The following DCDC1 variants were observed in gnomAD, a reference collection of about 807,000 sequenced individuals.
DCDC1 encodes doublecortin domain containing 1.
In DCDC1, 200 loss-of-function variants were observed where a neutral mutation model predicts 178.3. The observed-to-expected ratio is 1.12, with a 90% CI of 1.00 to 1.26. The LOEUF is 1.26. Among genes scored for constraint, DCDC1 ranks in the 50% most tolerant of loss-of-function variants. DCDC1 has a pLI of 0.00. For missense variants in DCDC1, 1,983 were observed against 1,749.2 expected (o/e 1.13, Z -2.38); for synonymous variants, 690 against 604.8 (o/e 1.14, Z -2.07).
chr11:30,998,328 G>A (rs540095984), intron 20 of DCDC1, among the ~76,000 whole-genome samples: 1 of 151,988 alleles, frequency 6.6e-6, no homozygotes, highest in Non-Finnish European at 1.5e-5. Flanking sequence ...GGAGGGGGGA[G>A]GAAGTATGGT....
intron 9 of DCDC1, among the ~76,000 whole-genome samples, chr11:31,173,737 TACAC>T (rs918588663): frequency 4.2e-5 from 5 of 118,760 alleles, no homozygotes; most frequent in African/African-American, 9.0e-5. Flanking sequence ...TTCACACACT[TACAC>T]ACACACACAC....
At chr11:31,331,554 C>A (rs1949989731) in intron 2 of DCDC1, among the ~76,000 whole-genome samples, 1 of 152,142 alleles carries the variant, frequency 6.6e-6, no homozygotes, top group Non-Finnish European at 1.5e-5. Flanking sequence ...GAGATACATT[C>A]CATCAATACC....
intron 8 of DCDC1, among the ~76,000 whole-genome samples, chr11:31,249,009 C>A (rs1943774736): frequency 6.6e-6 from 1 of 152,024 alleles, no homozygotes; most frequent in South Asian, 2.1e-4. Context: ...ATGGACAAGT[C>A]ATTAGGGTCA....
intron 1 of DCDC1, among the ~76,000 whole-genome samples, chr11:31,365,198 T>C (rs146945278): frequency 6.6e-6 from 1 of 152,302 alleles, no homozygotes; most frequent in Non-Finnish European, 1.5e-5. Flanking sequence ...TCAACAAATA[T>C]TTGTCGATTG....
At chr11:30,921,044 G>A (rs1312614254) in intron 24 of DCDC1, 109 bp from the exon 25 acceptor site, 1 of 1,187,770 alleles carries the variant, frequency 8.4e-7, no homozygotes, top group African/African-American at 1.5e-5. Flanking sequence ...CATCTATTTG[G>A]TCTATTCATA....
intron 20 of DCDC1, among the ~76,000 whole-genome samples, chr11:30,980,117 C>G (rs1342756694): frequency 6.6e-6 from 1 of 152,174 alleles, no homozygotes; most frequent in Non-Finnish European, 1.5e-5. Flanking sequence ...CTGTAATCTA[C>G]TAGAGTAGAC....
chr11:31,183,158 T>C (rs765485312), intron 9 of DCDC1, among the ~76,000 whole-genome samples: 9 of 152,124 alleles, frequency 5.9e-5, no homozygotes, highest in Non-Finnish European at 1.2e-4. Context: ...TAGTGAGAGA[T>C]TTAACACCCC....
chr11:31,248,240 T>C (rs1284159369), intron 8 of DCDC1, among the ~76,000 whole-genome samples: 3 of 152,198 alleles, frequency 2.0e-5, no homozygotes, highest in Admixed American at 6.6e-5. Context: ...TTTATATTAC[T>C]ATCCCAAAAA....
At chr11:31,333,378 AT>A (rs1489243553) in intron 2 of DCDC1, among the ~76,000 whole-genome samples, 1 of 152,162 alleles carries the variant, frequency 6.6e-6, no homozygotes, top group Non-Finnish European at 1.5e-5. Context: ...GCCCATTTAC[AT>A]TTAAGGTTAA....
chr11:31,342,821 C>T (rs942272), intron 1 of DCDC1, among the ~76,000 whole-genome samples: 107,399 of 152,112 alleles, frequency 0.71, 39,357 homozygotes, highest in African/African-American at 0.9. Context: ...ATTAAAAAAA[C>T]GAAATTTGAA....
At chr11:31,068,943 C>T (rs1349695134) in intron 18 of DCDC1, among the ~76,000 whole-genome samples, 1 of 151,988 alleles carries the variant, frequency 6.6e-6, no homozygotes, top group African/African-American at 2.4e-5. Flanking sequence ...GCTCCGCTTC[C>T]TGGGTTCATG....
chr11:30,968,943 G>T (rs1200471012), intron 20 of DCDC1, among the ~76,000 whole-genome samples: 1 of 151,484 alleles, frequency 6.6e-6, no homozygotes, highest in Non-Finnish European at 1.5e-5. Flanking sequence ...GAGATCATTT[G>T]CATGATATAA....
intron 9 of DCDC1, among the ~76,000 whole-genome samples, chr11:31,165,206 T>C (rs753494120): frequency 6.6e-6 from 1 of 152,218 alleles, no homozygotes; most frequent in Non-Finnish European, 1.5e-5. Flanking sequence ...CAGGATATTA[T>C]GGATGTTTTT....
At chr11:31,328,911 G>C (rs1487653853) in intron 2 of DCDC1, among the ~76,000 whole-genome samples, 3 of 128,618 alleles carry the variant, frequency 2.3e-5, no homozygotes, top group Non-Finnish European at 3.2e-5. Context: ...AAAATTGTAT[G>C]TGAAATACGT....
At chr11:31,217,613 A>G (rs1474199547) in intron 9 of DCDC1, among the ~76,000 whole-genome samples, 1 of 152,156 alleles carries the variant, frequency 6.6e-6, no homozygotes, top group African/African-American at 2.4e-5. Context: ...TATATGTGCC[A>G]TCCCATTGTT....
At chr11:31,277,172 T>G (rs1429949462) in intron 7 of DCDC1, among the ~76,000 whole-genome samples, 1 of 152,116 alleles carries the variant, frequency 6.6e-6, no homozygotes, top group African/African-American at 2.4e-5. Context: ...ATAATCTGGT[T>G]TTTTTCACTA....
chr11:31,050,480 A>G (rs1055716611), intron 20 of DCDC1, among the ~76,000 whole-genome samples: 2 of 152,220 alleles, frequency 1.3e-5, no homozygotes, highest in Admixed American at 1.3e-4. Context: ...ACCCATCGCC[A>G]GTCGCTCTCC....
At chr11:31,064,113 G>T (rs540842211) in intron 20 of DCDC1, among the ~76,000 whole-genome samples, 17 of 152,190 alleles carry the variant, frequency 1.1e-4, no homozygotes, top group Admixed American at 5.2e-4. Context: ...AAATAAAAAG[G>T]ATTGCCCATG....
At chr11:31,265,233 G>T (rs139694241) in intron 8 of DCDC1, among the ~76,000 whole-genome samples, 16 of 151,892 alleles carry the variant, frequency 1.1e-4, no homozygotes, top group African/African-American at 3.9e-4. Flanking sequence ...TGGCTGTTAC[G>T]TTATAAAAAT....
Sources: allele counts gnomAD v4.1 joint callset (sites outside exome capture counted in the v4.1 genomes callset), GRCh38; gene constraint gnomAD v4.1.1; transcripts MANE v1.5; gene names NCBI Gene and HGNC (gene_info 2026-07-23, HGNC 2026-07-21).